PLEKHM2: variants seen among roughly 807,000 people sequenced by gnomAD.
The protein encoded by PLEKHM2 is pleckstrin homology and RUN domain containing M2, also known as pleckstrin homology domain-containing family M member 2.
In PLEKHM2, 77 loss-of-function variants were observed where a neutral mutation model predicts 116.3. The observed-to-expected ratio is 0.66, with a 90% confidence interval of 0.55 to 0.80. The LOEUF (loss-of-function observed/expected upper bound fraction) is 0.80. Among genes scored for constraint, PLEKHM2 ranks in the 30% least tolerant of loss-of-function variants. The pLI, the probability that PLEKHM2 is intolerant of heterozygous loss-of-function variation, is 0.00. For synonymous variants in PLEKHM2, 562 were observed against 571.0 expected (o/e 0.98, Z 0.22); for missense variants, 1,183 against 1,354.9 (o/e 0.87, Z 1.99).
At position 15,714,140 on chromosome 1, in the gene PLEKHM2, C is replaced by G. The variant is rs776504246; in HGVS notation, c.61-2097C>G. ...TATTTTAGTAGAGAACGAGGTTTCA[C>G]CATCTTGGCCAGGCTGGTCTTGAAC... On this transcript the variant is annotated intron_variant, in intron 1 of 19. Transcript: ENST00000375799. 2.0e-5 allele frequency among the ~76,000 whole-genome samples: 3 copies of G among 152,016 alleles called. No homozygotes were observed. In the South Asian group the frequency reaches 6.2e-4, roughly 32 times the overall value.
Position 15,698,672 on chromosome 1 carries a change from C to T in PLEKHM2, c.60+14054C>T, listed in dbSNP as rs548633256. ...AAGTGATTCTCCTGTCTCAGCCTCC[C>T]AAGTAGCTGGGATTACAGGTGCGCA... On this transcript the variant is annotated intron_variant, in intron 1 of 19. Transcript: ENST00000375799. Among the ~76,000 whole-genome samples, 19 of 151,714 alleles carry T rather than the reference C, an allele frequency of 1.3e-4. No individual in the cohort carries two copies. The East Asian group carries it at 3.7e-3, about 29-fold the overall frequency.
intron 1 of PLEKHM2, among the ~76,000 whole-genome samples, chr1:15,686,893 G>A (rs1640783354): frequency 6.6e-6 from 1 of 151,924 alleles, no homozygotes; most frequent in Non-Finnish European, 1.5e-5. Context: ...CTTGTGATCT[G>A]CCCGCTTCGG....
Position 15,727,696 on chromosome 1 carries a change from C to T in PLEKHM2, c.1624C>T (p.Pro542Ser). 1 of 1,594,390 alleles carries T rather than the reference C, an allele frequency of 6.3e-7. No individual in the cohort carries two copies. Among genetic ancestry groups the T allele is most frequent in the Non-Finnish European group, 8.5e-7 (1 of 1,171,336 alleles). The change falls in exon 9 of 20, where the codon CCA becomes TCA. Residue 542 changes from proline (P) to serine (S), a missense_variant. By Grantham distance (74) the Pro-to-Ser change is moderately conservative. Around this residue, in one of 3 missense-constraint regions of PLEKHM2, gnomAD observed 594 missense variants for 720.1 expected, o/e 0.82. Transcript: ENST00000375799. This position sits in a 1 kb window ranked among gnomAD's most constrained non-coding sequence, Gnocchi z 7.5. ...SLVREGPVSE[P>S]EPGTQEVLCQ... ...GGTCAGGGAGGGGCCTGTGTCTGAG[C>T]CAGAGCCTGGGACCCAGGAGGTTCT... is the stretch of plus-strand genomic sequence containing the variant.
upstream of PLEKHM2, among the ~76,000 whole-genome samples, chr1:15,681,844 T>C (rs1175901415): frequency 6.6e-6 from 1 of 152,206 alleles, no homozygotes; most frequent in African/African-American, 2.4e-5. Context: ...GCTCTCTGAA[T>C]ATGAGAGGTA....
intron 6 of PLEKHM2, chr1:15,720,997 A>C: frequency 4.4e-6 from 1 of 227,908 alleles, no homozygotes; most frequent in Non-Finnish European, 8.6e-6. Context: ...TTGCCCTGCT[A>C]GGGTATGGAG....
chr1:15,702,039 G>C (rs935668541), intron 1 of PLEKHM2, among the ~76,000 whole-genome samples: 1 of 152,164 alleles, frequency 6.6e-6, no homozygotes, highest in Non-Finnish European at 1.5e-5. Flanking sequence ...TGATACGGAC[G>C]GGTCGCCCAA....
chr1:15,725,272 C>G (rs41270293), intron 7 of PLEKHM2, 45 bp from the exon 8 acceptor site: 1 of 1,448,744 alleles, frequency 6.9e-7, no homozygotes, highest in Non-Finnish European at 9.5e-7. Flanking sequence ...TCGGGGACCC[C>G]GGGGGGTGCC....
intron 17 of PLEKHM2, 43 bp downstream of exon 17, chr1:15,732,091 C>T: frequency 6.4e-7 from 1 of 1,567,798 alleles, no homozygotes; most frequent in Non-Finnish European, 8.7e-7. Context: ...CTTGCCTGAC[C>T]CACCCAGACC....
chr1:15,698,531 T>TACTTTCTTTCTTTC (rs1245264987), intron 1 of PLEKHM2, among the ~76,000 whole-genome samples: 1 of 144,382 alleles, frequency 6.9e-6, no homozygotes, highest in Non-Finnish European at 1.5e-5. Flanking sequence ...TTCTTTCTTT[T>TACTTTCTTTCTTTC]TCTTTCTTTC....
intron 14 of PLEKHM2, 132 bp from the exon 15 acceptor site, chr1:15,730,400 C>G (rs1296233006): frequency 3.0e-6 from 2 of 676,116 alleles, no homozygotes; most frequent in African/African-American, 3.6e-5. Context: ...GGAGATCACA[C>G]CACTGCAGTC....
In PLEKHM2 at chr1:15,725,356, C is replaced by T. The variant is rs1049941562; in HGVS notation, c.752C>T (p.Thr251Ile). 1.3e-6 allele frequency: 2 copies of T among 1,551,450 alleles called. No homozygotes were observed. Among genetic ancestry groups the T allele is most frequent in the Non-Finnish European group, 1.7e-6 (2 of 1,147,006 alleles). The part of the protein sequence containing the change: ...LTDTVSGPRS[T>I]ASDLTSSKAS... ...GACACGGTCAGTGGTCCCCGCTCCA[C>T]AGCCTCCGACCTGACCAGCAGCAAG... Residue 251 changes from threonine (T) to isoleucine (I), a missense_variant, in exon 8 of 20, where the codon ACA becomes ATA. Thr to Ile is a moderately conservative substitution (Grantham distance 89, BLOSUM62 -1). Transcript: ENST00000375799.
intron 1 of PLEKHM2, among the ~76,000 whole-genome samples, chr1:15,701,339 A>G (rs1266670643): frequency 1.3e-5 from 2 of 151,692 alleles, no homozygotes; most frequent in Admixed American, 6.6e-5. Flanking sequence ...AGGCTGAGGC[A>G]GGAGAATCGG....
intron 1 of PLEKHM2, among the ~76,000 whole-genome samples, chr1:15,714,575 C>A (rs1234041045): frequency 6.6e-6 from 1 of 152,180 alleles, no homozygotes; most frequent in East Asian, 1.9e-4. Context: ...GGCTGACAGG[C>A]CTGCCAGGCT....
At chr1:15,707,231 A>G (rs1317443867) in intron 1 of PLEKHM2, among the ~76,000 whole-genome samples, 2 of 151,488 alleles carry the variant, frequency 1.3e-5, no homozygotes, top group Non-Finnish European at 2.9e-5. Flanking sequence ...AGACCAGCCT[A>G]GACAACATAG....
chr1:15,688,649 CAA>C (rs36016839), intron 1 of PLEKHM2, among the ~76,000 whole-genome samples: 135 of 88,754 alleles, frequency 1.5e-3, no homozygotes, highest in African/African-American at 2.5e-3. Context: ...GACTCTGTCT[CAA>C]AAAAAAAAAA....
chr1:15,716,394 G>A (rs375684774), intron 2 of PLEKHM2, 51 bp downstream of exon 2: 629 of 1,139,266 alleles, frequency 5.5e-4, no homozygotes, highest in Non-Finnish European at 7.6e-4. Flanking sequence ...CAGGCCATGA[G>A]TAGCCTCCAC....
chr1:15,715,190 G>A (rs1219024545), intron 1 of PLEKHM2, among the ~76,000 whole-genome samples: 1 of 152,174 alleles, frequency 6.6e-6, no homozygotes, highest in African/African-American at 2.4e-5. Context: ...GGTGGGGCAG[G>A]TGCCCCAGTC....
intron 1 of PLEKHM2, among the ~76,000 whole-genome samples, chr1:15,701,778 G>A (rs1337979359): frequency 6.6e-6 from 1 of 152,148 alleles, no homozygotes; most frequent in African/African-American, 2.4e-5. Context: ...GGAACACAGC[G>A]AGAATCCCTC....
At chr1:15,709,357 CTTCT>C (rs1398066451) in intron 1 of PLEKHM2, among the ~76,000 whole-genome samples, 2 of 152,164 alleles carry the variant, frequency 1.3e-5, no homozygotes, top group Non-Finnish European at 2.9e-5. Flanking sequence ...CTTTCAGAGC[CTTCT>C]GATACTGGAG....
Sources: allele counts gnomAD v4.1 joint callset (sites outside exome capture counted in the v4.1 genomes callset), GRCh38; gene constraint gnomAD v4.1.1; regional missense constraint gnomAD v4.1.1; non-coding constraint Gnocchi (gnomAD v3.1); transcripts MANE v1.5; gene names NCBI Gene and HGNC (gene_info 2026-07-23, HGNC 2026-07-21).